HTT: variants seen among roughly 807,000 people sequenced by gnomAD.
The protein encoded by HTT is huntington disease protein.
Under a neutral mutation model 362.3 loss-of-function variants are expected in HTT, and 104 were observed. That is an observed-to-expected ratio of 0.29 (90% CI 0.24 to 0.34). The LOEUF (loss-of-function observed/expected upper bound fraction) is 0.34. Among genes scored for constraint, HTT ranks in the 10% least tolerant of loss-of-function variants. HTT has a pLI of 1.00. For missense variants in HTT, 3,301 were observed against 3,928.6 expected (o/e 0.84, Z 4.27); for synonymous variants, 1,577 against 1,548.7 (o/e 1.02, Z -0.43).
chr4:3,173,922 C>T (rs942643229), intron 31 of HTT, among the ~76,000 whole-genome samples: 5 of 152,098 alleles, frequency 3.3e-5, no homozygotes, highest in Admixed American at 6.5e-5. Flanking sequence ...CTGCCCGTCC[C>T]GGCCTCCCAA....
chr4:3,133,707 C>T (rs1383010834), intron 18 of HTT, among the ~76,000 whole-genome samples: 2 of 152,094 alleles, frequency 1.3e-5, no homozygotes, highest in East Asian at 1.9e-4. Context: ...GGCCAGTCAA[C>T]AAGAGTAAAA....
Position 3,099,401 on chromosome 4 carries a change from A to G in HTT, c.468+7A>G. ...CCTCAACAAAGTTATCAAAGTAAGA[A>G]CCGTGTGGATGATGTTCTCCTCAGA... On this transcript the variant is annotated splice_region_variant and intron_variant, in intron 3 of 66. Coordinates refer to ENST00000355072, the MANE Select transcript of HTT (RefSeq NM_001388492.1). 1 of 1,613,910 alleles carries G rather than the reference A, an allele frequency of 6.2e-7. No individual in the cohort carries two copies. The highest frequency in any genetic ancestry group is 8.5e-7 in the Non-Finnish European group (1 of 1,179,806).
In HTT at chr4:3,148,205, A is replaced by G. The variant is rs1295374927; in HGVS notation, c.3496A>G (p.Lys1166Glu). 1 of 1,565,432 alleles carries G rather than the reference A, an allele frequency of 6.4e-7. No individual in the cohort carries two copies. Among genetic ancestry groups the G allele is most frequent in the Admixed American group, 1.9e-5 (1 of 52,028 alleles). Residue 1166 changes from lysine to glutamate, a missense_variant and splice_region_variant, in exon 26 of 67, where the codon AAG (lysine) becomes GAG (glutamate). Lys to Glu is a moderately conservative substitution (Grantham distance 56, BLOSUM62 1). This residue lies in a region of HTT where 2,316 missense variants were observed against 2,658.5 expected (regional missense o/e 0.87). Coordinates refer to ENST00000355072, the MANE Select transcript of HTT (RefSeq NM_001388492.1). ...LDDVAPGPAI[K>E]AALPSLTNPP... ...TGACGTGGCTCCTGGACCCGCAATA[A>G]AGGTAATGTCCCACTTGGGTGCTGG... is the stretch of plus-strand genomic sequence containing the variant.
Position 3,204,164 on chromosome 4 carries a change from C to G in HTT, c.5718+16C>G. 1 of 1,613,892 alleles carries G rather than the reference C, an allele frequency of 6.2e-7. No homozygotes were observed. The highest frequency in any genetic ancestry group is 8.5e-7 in the Non-Finnish European group (1 of 1,179,782). On this transcript the variant is annotated intron_variant, in intron 42 of 66. Coordinates refer to ENST00000355072, the MANE Select transcript of HTT (RefSeq NM_001388492.1). ...TGATTATGTCGTAAGTTTGAAATGCCTGTAAACGGGGTTGAGGGAGGTGGG... is the reference window on the plus strand; with the variant it reads ...TGATTATGTCGTAAGTTTGAAATGCGTGTAAACGGGGTTGAGGGAGGTGGG...
At position 3,243,765 on chromosome 4, in the gene HTT, C is replaced by G. The variant is rs61745472; in HGVS notation, c.*3706C>G. The G allele has an allele frequency of 3.9e-5, 6 of 152,258 alleles. No homozygotes were observed. Among genetic ancestry groups the G allele is most frequent in the African/African-American group, 1.4e-4 (6 of 41,452 alleles). The allele number at this position is 152,258 out of a possible 1,614,324, so 9.4% of individuals were successfully genotyped here. A position where few individuals can be genotyped will look rare whatever the true frequency, so the allele number is the denominator to read the frequency against. ...TTGTCCAGGTCTCACTGCTTTGCAC[C>G]GTGGTCAGAGGGACTGTCAGCTGAG... is the stretch of plus-strand genomic sequence containing the variant. On this transcript the variant is annotated 3_prime_UTR_variant, in exon 67 of 67. Coordinates refer to ENST00000355072, the MANE Select transcript of HTT (RefSeq NM_001388492.1).
At chr4:3,089,502 C>G (rs1057485199) in intron 2 of HTT, among the ~76,000 whole-genome samples, 2 of 152,230 alleles carry the variant, frequency 1.3e-5, no homozygotes, top group African/African-American at 4.8e-5. Flanking sequence ...ATCCGCCCGC[C>G]TCGGCCTCCC....
At chr4:3,139,875 A>T (rs1256109013) in intron 21 of HTT, among the ~76,000 whole-genome samples, 1 of 152,254 alleles carries the variant, frequency 6.6e-6, no homozygotes, top group Non-Finnish European at 1.5e-5. Context: ...CAGAAGGTTT[A>T]GAAAGAGAAC....
chr4:3,134,357 T>G, intron 18 of HTT, 44 bp from the exon 19 acceptor site: 1 of 1,583,022 alleles, frequency 6.3e-7, no homozygotes, highest in Non-Finnish European at 8.6e-7. Flanking sequence ...GGGTACTGAG[T>G]GGGACTAACC....
chr4:3,122,768 T>G, intron 9 of HTT, 121 bp from the exon 10 acceptor site: 1 of 719,332 alleles, frequency 1.4e-6, no homozygotes, highest in Non-Finnish European at 2.4e-6. Context: ...AAGTGTTTCC[T>G]GTGGAAAAAC....
chr4:3,116,173 G>A lies in HTT; in HGVS notation c.978G>A (p.Gln326=), dbSNP rs748551283. 1.2e-6 allele frequency: 2 copies of A among 1,613,948 alleles called. No individual in the cohort carries two copies. The highest frequency in any genetic ancestry group is 2.2e-5 in the South Asian group (2 of 91,078). ...LTLRYLVPLL[Q]QQVKDTSLKG... ...TGAGGTATTTGGTGCCCTTGCTGCAGCAGCAGGTCAAGGACACAAGCCTGA... is the reference window on the plus strand; with the variant it reads ...TGAGGTATTTGGTGCCCTTGCTGCAACAGCAGGTCAAGGACACAAGCCTGA... The change falls in exon 8 of 67, where the codon CAG becomes CAA. Residue 326 remains glutamine (Q), a synonymous_variant. Coordinates refer to ENST00000355072, the MANE Select transcript of HTT (RefSeq NM_001388492.1).
chr4:3,107,641 T>A (rs923493058), intron 6 of HTT, among the ~76,000 whole-genome samples: 3 of 152,158 alleles, frequency 2.0e-5, no homozygotes, highest in Non-Finnish European at 4.4e-5. Flanking sequence ...AATTGGGAGA[T>A]GGTTTCTAGA....
At chr4:3,140,896 AC>A (rs1716313046) in intron 22 of HTT, among the ~76,000 whole-genome samples, 1 of 152,212 alleles carries the variant, frequency 6.6e-6, no homozygotes, top group Admixed American at 6.5e-5. Context: ...ATAGTTTATT[AC>A]ATTCCATGTG....
chr4:3,193,911 C>T (rs1236148736), intron 40 of HTT, among the ~76,000 whole-genome samples: 1 of 152,080 alleles, frequency 6.6e-6, no homozygotes, highest in Admixed American at 6.6e-5. Context: ...ATTTAATCTG[C>T]CCAACATTTG....
At chr4:3,122,070 C>T (rs561187962) in intron 9 of HTT, among the ~76,000 whole-genome samples, 4 of 152,362 alleles carry the variant, frequency 2.6e-5, no homozygotes, top group African/African-American at 7.2e-5. Context: ...TTCAAGTCGT[C>T]AGAGGGATCT....
chr4:3,110,767 G>T (rs1014729578), intron 6 of HTT, among the ~76,000 whole-genome samples: 2 of 152,040 alleles, frequency 1.3e-5, no homozygotes, highest in Non-Finnish European at 2.9e-5. Flanking sequence ...TTCCATTTTT[G>T]GGGAGGTGAA....
At chr4:3,191,854 C>T (rs1719026654) in intron 40 of HTT, among the ~76,000 whole-genome samples, 2 of 152,114 alleles carry the variant, frequency 1.3e-5, no homozygotes, top group Admixed American at 1.3e-4. Context: ...TAAATCATGA[C>T]AAATTATGAT....
intron 8 of HTT, among the ~76,000 whole-genome samples, chr4:3,118,189 A>G (rs1261846980): frequency 2.2e-4 from 33 of 152,178 alleles, no homozygotes. Context: ...GCCTTGTCAG[A>G]TTTAGTGTAT....
intron 33 of HTT, among the ~76,000 whole-genome samples, chr4:3,176,850 C>T (rs534838555): frequency 6.6e-6 from 1 of 152,334 alleles, no homozygotes; most frequent in African/African-American, 2.4e-5. Flanking sequence ...ATGCTTTATC[C>T]ATGGAAGCTC....
chr4:3,229,281 CACACACTCCACATGCATGCACCACA>C (rs1257719945), intron 59 of HTT, among the ~76,000 whole-genome samples: 1 of 117,230 alleles, frequency 8.5e-6, no homozygotes, highest in African/African-American at 3.2e-5. Context: ...GCCACATGCA[CACACACTCCACATGCATGCACCACA>C]CACACACACA....
Sources: allele counts gnomAD v4.1 joint callset (sites outside exome capture counted in the v4.1 genomes callset), GRCh38; gene constraint gnomAD v4.1.1; regional missense constraint gnomAD v4.1.1; transcripts MANE v1.5; gene names NCBI Gene and HGNC (gene_info 2026-07-23, HGNC 2026-07-21).